EPB42: variants seen among roughly 807,000 people sequenced by gnomAD.
The protein encoded by EPB42 is erythrocyte membrane protein band 4.2.
In EPB42, 49 loss-of-function variants were observed where a neutral mutation model predicts 76.9. The ratio of observed to expected loss-of-function variants is 0.64; its 90% confidence interval spans 0.51 to 0.81. EPB42 has a LOEUF of 0.81. EPB42 is among the 30% of genes least tolerant of loss of function. EPB42 has a pLI of 0.00. For missense variants in EPB42, 731 were observed against 867.6 expected, an observed-to-expected ratio of 0.84 and a Z score of 1.98; for synonymous variants, 310 against 338.4, an observed-to-expected ratio of 0.92 and a Z score of 0.92.
At chr15:43,219,548 G>A (rs1396014699) in intron 1 of EPB42, among the ~76,000 whole-genome samples, 1 of 152,158 alleles carries the variant, frequency 6.6e-6, no homozygotes, top group African/African-American at 2.4e-5. Flanking sequence ...AAAGAATTTA[G>A]TGCCCAGGGG....
At chr15:43,212,387 GAAAAAAGAAAA>G (rs2042313968) in intron 3 of EPB42, among the ~76,000 whole-genome samples, 1 of 124,876 alleles carries the variant, frequency 8.0e-6, no homozygotes, top group Admixed American at 7.8e-5. Context: ...AAAAAAAAAA[GAAAAAAGAAAA>G]AAAAAAGAAA....
At chr15:43,220,185 C>T (rs2042436529) in intron 1 of EPB42, among the ~76,000 whole-genome samples, 1 of 152,058 alleles carries the variant, frequency 6.6e-6, no homozygotes, top group Non-Finnish European at 1.5e-5. Context: ...CCTCTGCCTA[C>T]CCGCTTGCTT....
chr15:43,211,558 A>G (rs1225786593), intron 3 of EPB42, 24 bp from the exon 4 acceptor site: 5 of 1,517,056 alleles, frequency 3.3e-6, no homozygotes, highest in African/African-American at 1.4e-5. Flanking sequence ...GGTAGGGATG[A>G]GGGCCTGTGG....
chr15:43,208,917 A>G, intron 6 of EPB42, 142 bp from the exon 7 acceptor site: 2 of 978,558 alleles, frequency 2.0e-6, no homozygotes, highest in Non-Finnish European at 3.0e-6. Flanking sequence ...GTGGCAGCCA[A>G]GAACAGGATG....
At position 43,206,097 on chromosome 15, in the gene EPB42, A is replaced by G; in HGVS notation, c.1618+233T>C. On this transcript the variant is annotated intron_variant, in intron 10 of 12. Coordinates refer to ENST00000441366, the MANE Select transcript of EPB42 (RefSeq NM_001114134.2). This position sits in a 1 kb window ranked among gnomAD's most constrained non-coding sequence, Gnocchi z 4.7. ...CTCAGCAAACACTTCTCACACTGCT[A>G]CGAAGGGTCTGTTTACTTATCTGAC... The G allele has an allele frequency of 1.9e-6, 1 of 521,132 alleles. No individual in the cohort carries two copies. The highest frequency in any genetic ancestry group is 3.4e-6 in the Non-Finnish European group (1 of 294,254). 32.3% of individuals were successfully genotyped at this position (521,132 alleles called of 1,614,324 possible).
intron 4 of EPB42, 118 bp from the exon 5 acceptor site, chr15:43,210,557 C>A (rs2042278961): frequency 2.2e-6 from 2 of 894,350 alleles, no homozygotes; most frequent in South Asian, 1.4e-5. Context: ...TTCTCCCAGA[C>A]CCGCACTCCA....
rs2042218458 is a variant in EPB42 at position 43,207,241 on chromosome 15, C to T, written c.1276G>A (p.Asp426Asn). 1 of 1,614,014 alleles carries T rather than the reference C, an allele frequency of 6.2e-7. No individual in the cohort carries two copies. Among genetic ancestry groups the T allele is most frequent in the Non-Finnish European group, 8.5e-7 (1 of 1,180,036 alleles). Residue 426 changes from aspartate (D) to asparagine (N), a missense_variant, in exon 9 of 13, where the codon GAC becomes AAC. By Grantham distance (23) the Asp-to-Asn change is conservative. Transcript: ENST00000441366. ...NNISTKGVGS[D>N]RCEDITQNYK... ...TTCTGAGTGATGTCCTCGCAGCGGT[C>T]ACTGCCCACACCCTTGGTGCTGATG...
chr15:43,208,132 G>T, intron 8 of EPB42, 98 bp downstream of exon 8: 2 of 1,034,626 alleles, frequency 1.9e-6, no homozygotes, highest in Non-Finnish European at 1.5e-6. Flanking sequence ...TTTCGAGGAT[G>T]CAGACCCCCT....
Position 43,197,405 on chromosome 15 carries a change from T to C in EPB42, c.1973A>G (p.His658Arg). ...MCAKFQFTPT[H>R]VGLQRLTVEV... ...CACAGTGAGTCTCTGGAGCCCCACA[T>C]GTGTTGGCGTGAACTGGAACTTGGC... is the stretch of plus-strand genomic sequence containing the variant. Residue 658 changes from histidine (H) to arginine (R), a missense_variant, in exon 13 of 13, where the codon CAT becomes CGT. Physicochemically the swap from His to Arg is conservative, Grantham distance 29. Transcript: ENST00000441366. 1 of 1,614,086 alleles carries C rather than the reference T, an allele frequency of 6.2e-7. No homozygotes were observed. The highest frequency in any genetic ancestry group is 1.1e-5 in the South Asian group (1 of 91,074).
At chr15:43,218,744 C>A (rs1270714108) in intron 1 of EPB42, among the ~76,000 whole-genome samples, 1 of 152,252 alleles carries the variant, frequency 6.6e-6, no homozygotes, top group South Asian at 2.1e-4. Flanking sequence ...CAGACCCTCG[C>A]AGGGCCCCTG....
intron 1 of EPB42, among the ~76,000 whole-genome samples, chr15:43,219,748 C>T (rs559391322): frequency 1.3e-5 from 2 of 152,252 alleles, no homozygotes; most frequent in South Asian, 2.1e-4. Context: ...AGATCGAGAC[C>T]ATCCTGGCCA....
At position 43,210,324 on chromosome 15, in the gene EPB42, C is replaced by T; in HGVS notation, c.654+11G>A. 6.2e-7 allele frequency: 1 copy of T among 1,612,442 alleles called. No homozygotes were observed. Among genetic ancestry groups the T allele is most frequent in the East Asian group, 2.2e-5 (1 of 44,868 alleles). ...CCCTGCCCCATTCTGGTTCCCCAGC[C>T]TCTCGCTTACCAAGGCACCCAACAC... On this transcript the variant is annotated intron_variant, in intron 5 of 12. Transcript: ENST00000441366.
In EPB42 at chr15:43,211,534, T is replaced by C; in HGVS notation, c.431A>G (p.Glu144Gly). ...CTCATTCTTCAGGAACACAGCATCCTCTGGTGAGAGGTGGGTAGGGATGAG... is the reference window on the plus strand; with the variant it reads ...CTCATTCTTCAGGAACACAGCATCCCCTGGTGAGAGGTGGGTAGGGATGAG... ...FTLLFNPWNR[E>G]DAVFLKNEAQ... Residue 144 changes from glutamate to glycine, a missense_variant and splice_region_variant, in exon 4 of 13, where the codon GAG (glutamate) becomes GGG (glycine). Coordinates refer to ENST00000441366, the MANE Select transcript of EPB42 (RefSeq NM_001114134.2). The C allele has an allele frequency of 6.2e-7, 1 of 1,608,226 alleles. No homozygotes were observed. Among genetic ancestry groups the C allele is most frequent in the Non-Finnish European group, 8.5e-7 (1 of 1,174,668 alleles).
At chr15:43,197,746 A>G (rs963124999) in intron 12 of EPB42, among the ~76,000 whole-genome samples, 1 of 152,016 alleles carries the variant, frequency 6.6e-6, no homozygotes, top group Admixed American at 6.6e-5. Context: ...ATTCCTGGTA[A>G]TTGTATTGGA....
rs374148780 is a variant in EPB42, at chr15:43,203,295, G to C, written c.1619-20C>G. 1.2e-6 allele frequency: 2 copies of C among 1,613,984 alleles called. No individual in the cohort carries two copies. Among genetic ancestry groups the C allele is most frequent in the Non-Finnish European group, 1.7e-6 (2 of 1,180,016 alleles). On this transcript the variant is annotated intron_variant, in intron 10 of 12. Transcript: ENST00000441366. ...TCTTTTCTGAAACACATGACAGGTGGAGTCAGTGGCAACAGGTGTATGTAC... is the reference window on the plus strand; with the variant it reads ...TCTTTTCTGAAACACATGACAGGTGCAGTCAGTGGCAACAGGTGTATGTAC...
intron 11 of EPB42, 132 bp downstream of exon 11, chr15:43,202,983 G>A: frequency 2.7e-6 from 3 of 1,112,442 alleles, no homozygotes; most frequent in Non-Finnish European, 2.7e-6. Context: ...TCAAGGGAAG[G>A]AGCTCTTAAA....
intron 10 of EPB42, chr15:43,205,949 G>T (rs778960766): frequency 5.9e-5 from 11 of 187,138 alleles, no homozygotes; most frequent in Non-Finnish European, 1.2e-4. Context: ...GGAATGCCAA[G>T]ACTTACTTTT....
Position 43,211,447 on chromosome 15 carries a change from C to T in EPB42, c.518G>A (p.Cys173Tyr). Residue 173 changes from cysteine (C) to tyrosine (Y), a missense_variant, in exon 4 of 13, where the codon TGC (cysteine) becomes TAC (tyrosine). Physicochemically the swap from Cys to Tyr is radical, Grantham distance 194. Transcript: ENST00000441366. ...NGLIYLGTAD[C>Y]IQAESWDFGQ... is the part of the protein sequence containing the mutation. ...AAAGTCCCAGGACTCTGCCTGGATGCAGTCAGCTGTACCCAGGTAGATGAG... is the reference window on the plus strand; with the variant it reads ...AAAGTCCCAGGACTCTGCCTGGATGTAGTCAGCTGTACCCAGGTAGATGAG... The T allele has an allele frequency of 6.2e-7, 1 of 1,613,856 alleles. No homozygotes were observed. The highest frequency in any genetic ancestry group is 8.5e-7 in the Non-Finnish European group (1 of 1,179,710).
chr15:43,205,340 T>C (rs1459330122), intron 10 of EPB42, among the ~76,000 whole-genome samples: 1 of 152,238 alleles, frequency 6.6e-6, no homozygotes, highest in African/African-American at 2.4e-5. Flanking sequence ...TTCTCACACT[T>C]GTCTGCACAT....
Sources: gnomAD v4.1 joint callset for allele counts (sites outside exome capture counted in the v4.1 genomes callset) on GRCh38, gnomAD v4.1.1 for gene constraint, Gnocchi (gnomAD v3.1) non-coding constraint, MANE v1.5 for transcripts, NCBI Gene and HGNC (gene_info 2026-07-23, HGNC 2026-07-21) for gene names.